Variants in RUNX2 observed in about 807,000 individuals in gnomAD.
RUNX2 encodes runt-related transcription factor 2.
In RUNX2, 10 loss-of-function variants were observed where a neutral mutation model predicts 51.7. That is an observed-to-expected ratio of 0.19 (90% CI 0.12 to 0.33). RUNX2 has a LOEUF of 0.33. RUNX2 is among the 10% of genes least tolerant of loss of function. RUNX2 has a pLI of 1.00. For synonymous variants in RUNX2, 276 were observed against 273.6 expected (o/e 1.01, Z -0.09); for missense variants, 562 against 691.3 (o/e 0.81, Z 2.10).
intron 2 of RUNX2, among the ~76,000 whole-genome samples, chr6:45,345,464 C>T (rs1790657272): frequency 6.6e-6 from 1 of 152,046 alleles, no homozygotes; most frequent in South Asian, 2.1e-4. Flanking sequence ...TGATAGACTC[C>T]TCAACCAGGA....
chr6:45,421,772 G>C (rs925227988), intron 2 of RUNX2: 1 of 152,192 alleles, frequency 6.6e-6, no homozygotes, highest in Admixed American at 6.5e-5. Context: ...TCTCGCGGCC[G>C]GCTGGCGGCG....
chr6:45,479,054 T>A (rs1238564007), intron 5 of RUNX2, among the ~76,000 whole-genome samples: 1 of 152,076 alleles, frequency 6.6e-6, no homozygotes, highest in East Asian at 1.9e-4. Flanking sequence ...ACAGACTTTC[T>A]GTGTTGAATT....
intron 6 of RUNX2, among the ~76,000 whole-genome samples, chr6:45,505,525 C>G (rs561157991): frequency 7.9e-5 from 12 of 152,068 alleles, no homozygotes; most frequent in Non-Finnish European, 1.8e-4. Flanking sequence ...TGCATAGCCA[C>G]CCCCTTTTTG....
rs145649265 is a variant in RUNX2 at position 45,458,185 on chromosome 6, C to T, written c.685+20134C>T. 6.3e-3 allele frequency among the ~76,000 whole-genome samples: 957 copies of T among 152,168 alleles called. 8 individuals carry two copies. Among genetic ancestry groups the T allele is most frequent in the African/African-American group, 0.022 (896 of 41,508 alleles). ...GGGATTACAGGTGCCTGCCACCATGCCTGGCTAATTTTTGTATTTTTAGTA... is the reference window on the plus strand; with the variant it reads ...GGGATTACAGGTGCCTGCCACCATGTCTGGCTAATTTTTGTATTTTTAGTA... On this transcript the variant is annotated intron_variant, in intron 5 of 8. Coordinates refer to ENST00000647337, the MANE Select transcript of RUNX2 (RefSeq NM_001024630.4).
intron 5 of RUNX2, among the ~76,000 whole-genome samples, chr6:45,440,970 G>T (rs1368991874): frequency 6.6e-6 from 1 of 152,144 alleles, no homozygotes; most frequent in Non-Finnish European, 1.5e-5. Context: ...GGTGGGCCAA[G>T]TTGTAGTTTG....
intron 7 of RUNX2, among the ~76,000 whole-genome samples, chr6:45,531,896 G>T (rs1801861397): frequency 6.6e-6 from 1 of 152,132 alleles, no homozygotes; most frequent in Non-Finnish European, 1.5e-5. Context: ...GGATAATTCA[G>T]ATCAAACAAT....
chr6:45,384,127 T>C (rs1488671782), intron 2 of RUNX2, among the ~76,000 whole-genome samples: 3 of 152,318 alleles, frequency 2.0e-5, no homozygotes, highest in Admixed American at 6.5e-5. Flanking sequence ...TGAAAATAAG[T>C]GTCCTCCACT....
intron 2 of RUNX2, among the ~76,000 whole-genome samples, chr6:45,387,444 G>A (rs965467356): frequency 3.9e-5 from 6 of 152,050 alleles, no homozygotes; most frequent in Admixed American, 1.3e-4. Context: ...TCCTAGATTC[G>A]GCCTAGAAAC....
rs1369914396 is a variant in RUNX2 at position 45,406,105 on chromosome 6, CT to C, written c.59-16487del. Among the ~76,000 whole-genome samples the C allele has an allele frequency of 4.6e-5, 7 of 152,324 alleles. No homozygotes were observed. In the East Asian group the frequency reaches 1.2e-3, roughly 25 times the overall value. ...CTCTACCTATTTCACAAATTCTCGACTGCTCTGTAAACATTTTGAGGAAGTC... is the reference window on the plus strand; with the variant it reads ...CTCTACCTATTTCACAAATTCTCGACGCTCTGTAAACATTTTGAGGAAGTC... On this transcript the variant is annotated intron_variant, in intron 2 of 8. Coordinates refer to ENST00000647337, the MANE Select transcript of RUNX2 (RefSeq NM_001024630.4).
At chr6:45,502,621 G>A (rs75605747) in intron 6 of RUNX2, among the ~76,000 whole-genome samples, 2,579 of 152,228 alleles carry the variant, frequency 0.017, 77 homozygotes, top group African/African-American at 0.059. Context: ...ATGTGTGGAG[G>A]CAGCTAAGAG....
At chr6:45,515,958 C>G (rs1563119974) in intron 7 of RUNX2, among the ~76,000 whole-genome samples, 1 of 152,138 alleles carries the variant, frequency 6.6e-6, no homozygotes, top group Non-Finnish European at 1.5e-5. Context: ...TCCTAAAAGA[C>G]CATTCCAAAG....
chr6:45,455,046 G>A (rs1423799469), intron 5 of RUNX2, among the ~76,000 whole-genome samples: 2 of 152,166 alleles, frequency 1.3e-5, no homozygotes, highest in African/African-American at 4.8e-5. Flanking sequence ...CCTGGGAGGT[G>A]GAGGCTGCAG....
chr6:45,359,412 T>A (rs930200720), intron 2 of RUNX2, among the ~76,000 whole-genome samples: 1 of 152,320 alleles, frequency 6.6e-6, no homozygotes, highest in East Asian at 1.9e-4. Flanking sequence ...ATTATAGTTA[T>A]AAACTAAAGT....
intron 2 of RUNX2, among the ~76,000 whole-genome samples, chr6:45,366,094 T>G (rs1795089661): frequency 6.6e-6 from 1 of 152,190 alleles, no homozygotes; most frequent in Non-Finnish European, 1.5e-5. Flanking sequence ...ATTACACTAT[T>G]ATACTGGAAG....
intron 5 of RUNX2, among the ~76,000 whole-genome samples, chr6:45,461,883 CT>C (rs998278620): frequency 6.6e-6 from 1 of 151,662 alleles, no homozygotes; most frequent in Non-Finnish European, 1.5e-5. Flanking sequence ...GTTGCTGCAA[CT>C]TTTTTTTAAA....
chr6:45,380,091 TGC>T (rs1797203957), intron 2 of RUNX2, among the ~76,000 whole-genome samples: 1 of 152,254 alleles, frequency 6.6e-6, no homozygotes, highest in Non-Finnish European at 1.5e-5. Flanking sequence ...GCCATAATTT[TGC>T]TCATAGTTTG....
intron 7 of RUNX2, among the ~76,000 whole-genome samples, chr6:45,538,684 G>A (rs1005988830): frequency 2.7e-5 from 4 of 149,318 alleles, no homozygotes; most frequent in African/African-American, 7.4e-5. Context: ...TTTTTTGGCT[G>A]GCTAATCGGA....
chr6:45,431,913 G>C lies in RUNX2; in HGVS notation c.474G>C (p.Ala158=), dbSNP rs549934715. 1 of 1,614,158 alleles carries C rather than the reference G, an allele frequency of 6.2e-7. No individual in the cohort carries two copies. Among genetic ancestry groups the C allele is most frequent in the South Asian group, 1.1e-5 (1 of 91,084 alleles). ...ATGGGACTGTGGTTACTGTCATGGC[G>C]GGTAACGATGAAAATTATTCTGCTG... ...VPDGTVVTVM[A]GNDENYSAEL... is the part of the protein sequence containing the mutation. Residue 158 remains alanine (A), a synonymous_variant, in exon 4 of 9, where the codon GCG becomes GCC. Coordinates refer to ENST00000647337, the MANE Select transcript of RUNX2 (RefSeq NM_001024630.4).
At chr6:45,343,662 T>C (rs568321159) in intron 2 of RUNX2, among the ~76,000 whole-genome samples, 2 of 152,332 alleles carry the variant, frequency 1.3e-5, no homozygotes, top group East Asian at 3.9e-4. Flanking sequence ...CTAGTCTATA[T>C]TTCTTCATGT....
Sources: gnomAD v4.1 joint callset for allele counts (sites outside exome capture counted in the v4.1 genomes callset) on GRCh38, gnomAD v4.1.1 for gene constraint, MANE v1.5 for transcripts, NCBI Gene and HGNC (gene_info 2026-07-23, HGNC 2026-07-21) for gene names.